The following MYO3B variants were observed in gnomAD, a reference collection of about 807,000 sequenced individuals.
The protein encoded by MYO3B is myosin-IIIb.
Under a neutral mutation model 174.6 loss-of-function variants are expected in MYO3B, and 156 were observed. The observed-to-expected ratio is 0.89, with a 90% CI of 0.78 to 1.02. The LOEUF (loss-of-function observed/expected upper bound fraction) is 1.02. Ranked by LOEUF, MYO3B falls within the 50% of genes least tolerant of loss-of-function variation. The pLI is 0.00. For missense variants in MYO3B, 1,632 were observed against 1,639.4 expected (o/e 1.00, Z 0.08); for synonymous variants, 563 against 569.1 (o/e 0.99, Z 0.15).
chr2:170,383,868 C>G, intron 12 of MYO3B, 54 bp downstream of exon 12: 1 of 1,411,588 alleles, frequency 7.1e-7, no homozygotes. Context: ...CATGTTGTGT[C>G]TTCCTCGTCA....
chr2:170,485,799 A>T (rs1178728035), intron 25 of MYO3B, among the ~76,000 whole-genome samples: 1 of 152,226 alleles, frequency 6.6e-6, no homozygotes, highest in East Asian at 1.9e-4. Context: ...AACAAAGAGA[A>T]AAGATGATGG....
chr2:170,566,420 T>C (rs77175389), intron 32 of MYO3B, among the ~76,000 whole-genome samples: 2,196 of 152,324 alleles, frequency 0.014, 59 homozygotes, highest in East Asian at 0.089. Flanking sequence ...GTGAACCATG[T>C]AGGCAATAAT....
At chr2:170,254,655 G>A (rs1285632325) in intron 7 of MYO3B, among the ~76,000 whole-genome samples, 1 of 152,162 alleles carries the variant, frequency 6.6e-6, no homozygotes, top group Non-Finnish European at 1.5e-5. Context: ...CAACTTCCCA[G>A]GGTGTGAGCA....
At chr2:170,267,250 C>T (rs930687690) in intron 7 of MYO3B, among the ~76,000 whole-genome samples, 4 of 152,130 alleles carry the variant, frequency 2.6e-5, no homozygotes, top group African/African-American at 4.8e-5. Flanking sequence ...TTGTAGGGCC[C>T]CTTAGTCCTC....
Position 170,383,183 on chromosome 2 carries a change from T to G in MYO3B, c.1179T>G (p.Ser393=). ...LNPFQNLSIY[S]PQFSRLYHGV... ...CCTTCCAGAATCTAAGCATATACTC[T>G]CCACAGGTAAGGGATGTTTTAAGAG... The change falls in exon 11 of 35, where the codon TCT becomes TCG. Residue 393 remains serine (S), a synonymous_variant. Coordinates refer to ENST00000408978, the MANE Select transcript of MYO3B (RefSeq NM_138995.5). The G allele has an allele frequency of 6.3e-7, 1 of 1,581,800 alleles. No homozygotes were observed. Among genetic ancestry groups the G allele is most frequent in the Non-Finnish European group, 8.7e-7 (1 of 1,151,022 alleles).
At chr2:170,247,266 T>C (rs2093201576) in intron 7 of MYO3B, among the ~76,000 whole-genome samples, 1 of 152,198 alleles carries the variant, frequency 6.6e-6, no homozygotes, top group African/African-American at 2.4e-5. Context: ...GTAGCTGTTG[T>C]GGCCTATCTG....
At chr2:170,249,444 A>G (rs187214643) in intron 7 of MYO3B, among the ~76,000 whole-genome samples, 7 of 152,308 alleles carry the variant, frequency 4.6e-5, no homozygotes, top group Admixed American at 4.6e-4. Context: ...TATTCATATC[A>G]ACATTTGCTT....
intron 22 of MYO3B, among the ~76,000 whole-genome samples, chr2:170,433,991 C>T (rs957802093): frequency 7.4e-4 from 113 of 152,234 alleles, no homozygotes; most frequent in African/African-American, 2.6e-3. Context: ...TAGATAAATG[C>T]TAAGGGAGAA....
chr2:170,182,411 A>G (rs1200312156), intron 1 of MYO3B, among the ~76,000 whole-genome samples: 2 of 151,960 alleles, frequency 1.3e-5, no homozygotes, highest in Admixed American at 6.6e-5. Context: ...TTGTAATGTG[A>G]TTTTTATCAT....
intron 7 of MYO3B, among the ~76,000 whole-genome samples, chr2:170,310,567 G>A (rs1411132281): frequency 1.3e-5 from 2 of 150,182 alleles, no homozygotes; most frequent in Non-Finnish European, 3.0e-5. Context: ...GGGAGGCTGA[G>A]GCAGGAGAAT....
chr2:170,640,025 T>C (rs575520762), intron 32 of MYO3B, among the ~76,000 whole-genome samples: 43 of 152,354 alleles, frequency 2.8e-4, no homozygotes, highest in African/African-American at 9.1e-4. Context: ...CCTGAGCTTA[T>C]GCCACCTTTT....
Position 170,214,233 on chromosome 2 carries a change from GAA to G in MYO3B, c.322-145_322-144del. 6 of 589,404 alleles carry G rather than the reference GAA, an allele frequency of 1.0e-5. No individual in the cohort carries two copies. The South Asian group carries it at 1.4e-4, about 13-fold the overall frequency. 36.5% of individuals were successfully genotyped at this position (589,404 alleles called of 1,614,324 possible). A position where few individuals can be genotyped will look rare whatever the true frequency, so the allele number is the denominator to read the frequency against. On this transcript the variant is annotated intron_variant, in intron 3 of 34. Coordinates refer to ENST00000408978, the MANE Select transcript of MYO3B (RefSeq NM_138995.5). ...AGATTAGACTGGGTAATGGAAATGT[GAA>G]GTCTGAGTATTCCAAGCTGGAGTTT...
chr2:170,451,458 A>C (rs1683589852), intron 23 of MYO3B, among the ~76,000 whole-genome samples: 1 of 152,254 alleles, frequency 6.6e-6, no homozygotes, highest in Non-Finnish European at 1.5e-5. Context: ...GCATTTTAAC[A>C]AACCTAATAT....
intron 7 of MYO3B, among the ~76,000 whole-genome samples, chr2:170,248,136 G>C (rs531487666): frequency 1.3e-5 from 2 of 152,186 alleles, no homozygotes; most frequent in East Asian, 3.9e-4. Flanking sequence ...GTCTTGATTG[G>C]CAAGACCCCT....
intron 6 of MYO3B, among the ~76,000 whole-genome samples, chr2:170,224,184 G>A (rs2092928779): frequency 6.6e-6 from 1 of 152,150 alleles, no homozygotes; most frequent in Admixed American, 6.5e-5. Flanking sequence ...ACTATGATAG[G>A]GGCTTTTAAA....
intron 9 of MYO3B, among the ~76,000 whole-genome samples, chr2:170,378,661 A>G (rs1057384151): frequency 6.6e-5 from 10 of 152,198 alleles, no homozygotes; most frequent in East Asian, 3.8e-4. Flanking sequence ...GAAGATACCA[A>G]TGTTGATCCT....
At chr2:170,461,677 G>A (rs1459560441) in intron 23 of MYO3B, among the ~76,000 whole-genome samples, 10 of 151,758 alleles carry the variant, frequency 6.6e-5, no homozygotes, top group South Asian at 2.1e-4. Flanking sequence ...TCGGGAGGCC[G>A]AGGCAGGAGA....
At chr2:170,409,326 C>G (rs1483933874) in intron 22 of MYO3B, among the ~76,000 whole-genome samples, 1 of 152,226 alleles carries the variant, frequency 6.6e-6, no homozygotes, top group Non-Finnish European at 1.5e-5. Context: ...AAGAGATAAC[C>G]TCCGCCGCTG....
intron 22 of MYO3B, among the ~76,000 whole-genome samples, chr2:170,418,603 C>G (rs114841242): frequency 0.012 from 1,847 of 152,214 alleles, 17 homozygotes; most frequent in Non-Finnish European, 0.018. Context: ...CGGTCCAGAC[C>G]TGTTTTCCTG....
Sources: gnomAD v4.1 joint callset for allele counts (sites outside exome capture counted in the v4.1 genomes callset) on GRCh38, gnomAD v4.1.1 for gene constraint, MANE v1.5 for transcripts, NCBI Gene and HGNC (gene_info 2026-07-23, HGNC 2026-07-21) for gene names.